CCNG2: variants seen among roughly 807,000 people sequenced by gnomAD.
CCNG2 encodes the protein cyclin-G2.
In CCNG2, 20 loss-of-function variants were observed where a neutral mutation model predicts 36.5. The observed-to-expected ratio is 0.55, with a 90% CI of 0.39 to 0.80. The LOEUF (loss-of-function observed/expected upper bound fraction) is 0.80. Ranked by LOEUF, CCNG2 falls within the 30% of genes least tolerant of loss-of-function variation. The pLI, the probability that CCNG2 is intolerant of heterozygous loss-of-function variation, is 0.00. For synonymous variants in CCNG2, 155 were observed against 140.1 expected, an observed-to-expected ratio of 1.11 and a Z score of -0.75; for missense variants, 358 against 390.8, an observed-to-expected ratio of 0.92 and a Z score of 0.71.
chr4:77,160,687 A>G, intron 3 of CCNG2, 34 bp from the exon 4 acceptor site: 1 of 1,598,978 alleles, frequency 6.3e-7, no homozygotes, highest in Non-Finnish European at 8.5e-7. Flanking sequence ...TCAAAGTGAC[A>G]GTTGTTAAAA....
At position 77,159,438 on chromosome 4, in the gene CCNG2, T is replaced by G. The variant is rs776472735; in HGVS notation, c.210T>G (p.Phe70Leu). 1 of 1,613,954 alleles carries G rather than the reference T, an allele frequency of 6.2e-7. No individual in the cohort carries two copies. Among genetic ancestry groups the G allele is most frequent in the Non-Finnish European group, 8.5e-7 (1 of 1,179,956 alleles). Residue 70 changes from phenylalanine (F) to leucine (L), a missense_variant, in exon 3 of 8, where the codon TTT (phenylalanine) becomes TTG (leucine). By Grantham distance (22) the Phe-to-Leu change is conservative. Coordinates refer to ENST00000316355, the MANE Select transcript of CCNG2 (RefSeq NM_004354.3). The stretch of plus-strand genomic sequence containing the variant: ...ATTTAAGGAGTTTAGCCAACTTTTT[T>G]GGATCTTGCACTGAAACTTTTGTCC... ...VEDLRSLANF[F>L]GSCTETFVLA... is the part of the protein sequence containing the mutation.
intron 1 of CCNG2, among the ~76,000 whole-genome samples, chr4:77,157,773 G>C (rs1324569574): frequency 3.9e-5 from 6 of 152,126 alleles, no homozygotes; most frequent in Non-Finnish European, 8.8e-5. Context: ...GTTGTCACGG[G>C]GACTTGCTGG....
In CCNG2 at chr4:77,157,219, A is replaced by T. The variant is rs1201002435; in HGVS notation, c.-288A>T. The T allele has an allele frequency of 6.6e-6, 1 of 152,208 alleles. No individual in the cohort carries two copies. The highest frequency in any genetic ancestry group is 6.5e-5 in the Admixed American group (1 of 15,292). 9.4% of individuals were successfully genotyped at this position (152,208 alleles called of 1,614,324 possible). A position where few individuals can be genotyped will look rare whatever the true frequency, so the allele number is the denominator to read the frequency against. On this transcript the variant is annotated 5_prime_UTR_variant, in exon 1 of 8. Coordinates refer to ENST00000316355, the MANE Select transcript of CCNG2 (RefSeq NM_004354.3). ...TGGGGGCGTCGAAACTCTTAACAAAAACAAGGGGCTCGGGGAGGTTTCCGC... is the reference window on the plus strand; with the variant it reads ...TGGGGGCGTCGAAACTCTTAACAAATACAAGGGGCTCGGGGAGGTTTCCGC...
At chr4:77,160,998 T>A (rs778079478) in intron 4 of CCNG2, 27 bp downstream of exon 4, 1 of 1,547,070 alleles carries the variant, frequency 6.5e-7, no homozygotes, top group Non-Finnish European at 8.8e-7. Context: ...ATACATTTTG[T>A]ACTTTGAACA....
At chr4:77,160,687 A>T in intron 3 of CCNG2, 34 bp from the exon 4 acceptor site, 1 of 1,598,978 alleles carries the variant, frequency 6.3e-7, no homozygotes, top group Non-Finnish European at 8.5e-7. Context: ...TCAAAGTGAC[A>T]GTTGTTAAAA....
At chr4:77,159,234 A>G (rs1731360172) in intron 2 of CCNG2, 133 bp from the exon 3 acceptor site, 1 of 713,166 alleles carries the variant, frequency 1.4e-6, no homozygotes, top group South Asian at 2.0e-5. Context: ...CTTTCCACCT[A>G]TATTCTTGAA....
At position 77,169,884 on chromosome 4, in the gene CCNG2, C is replaced by T. The variant is rs1731723294; in HGVS notation, c.*3960C>T. On this transcript the variant is annotated 3_prime_UTR_variant, in exon 8 of 8. Coordinates refer to ENST00000316355, the MANE Select transcript of CCNG2 (RefSeq NM_004354.3). ...GAGGTTTTGGGGGAGGGTTGTTAAA[C>T]AGTAATAGATAAGTGAGACAGATTG... 6.6e-6 allele frequency: 1 copy of T among 152,132 alleles called. No individual in the cohort carries two copies. Among genetic ancestry groups the T allele is most frequent in the Admixed American group, 6.5e-5 (1 of 15,274 alleles). 9.4% of individuals were successfully genotyped at this position (152,132 alleles called of 1,614,324 possible).
intron 6 of CCNG2, among the ~76,000 whole-genome samples, chr4:77,162,318 T>C (rs1242544241): frequency 6.6e-6 from 1 of 152,072 alleles, no homozygotes; most frequent in Non-Finnish European, 1.5e-5. Flanking sequence ...TGGTGTGTTC[T>C]GTCATTTGTT....
rs1318437817 is a variant in CCNG2, at chr4:77,158,557, T to C, written c.25T>C (p.Leu9=). Residue 9 remains leucine (L), a synonymous_variant, in exon 2 of 8, where the codon TTG becomes CTG. Transcript: ENST00000316355. MKDLGAEH[L]AGHEGVQLLG... is the part of the protein sequence containing the mutation. ...GATGAAGGATTTGGGGGCAGAGCAC[T>C]TGGCAGGTCATGAAGGGGTCCAACT... 1 of 1,614,158 alleles carries C rather than the reference T, an allele frequency of 6.2e-7. No homozygotes were observed. Among genetic ancestry groups the C allele is most frequent in the South Asian group, 1.1e-5 (1 of 91,082 alleles).
intron 3 of CCNG2, 27 bp from the exon 4 acceptor site, chr4:77,160,694 A>G: frequency 6.2e-7 from 1 of 1,602,524 alleles, no homozygotes; most frequent in Non-Finnish European, 8.5e-7. Flanking sequence ...GACAGTTGTT[A>G]AAAGAAGCCT....
At chr4:77,165,666 A>G (rs1731610251) in intron 7 of CCNG2, 135 bp from the exon 8 acceptor site, 1 of 660,028 alleles carries the variant, frequency 1.5e-6, no homozygotes, top group Non-Finnish European at 2.4e-6. Flanking sequence ...GTCCTTATAA[A>G]TTTTGTCTCT....
At chr4:77,158,855 C>G (rs1731347149) in intron 2 of CCNG2, among the ~76,000 whole-genome samples, 185 bp downstream of exon 2, 1 of 152,088 alleles carries the variant, frequency 6.6e-6, no homozygotes, top group African/African-American at 2.4e-5. Flanking sequence ...GAGAGTGATA[C>G]TTTAGAGAAG....
chr4:77,160,948 TATACTTTGTC>T lies in CCNG2; in HGVS notation c.511_520del (p.Cys171GlnfsTer7). The T allele has an allele frequency of 6.2e-7, 1 of 1,604,434 alleles. No individual in the cohort carries two copies. ...ACTTTTTGCACTTATACCATACTAT[TATACTTTGTC>T]ATACTTCAGAAAGGTCAGTGGGATT... On this transcript the variant is annotated frameshift_variant, in exon 4 of 8. Coordinates refer to ENST00000316355, the MANE Select transcript of CCNG2 (RefSeq NM_004354.3). LOFTEE classifies it high-confidence loss of function.
At position 77,158,580 on chromosome 4, in the gene CCNG2, A is replaced by C; in HGVS notation, c.48A>C (p.Gln16His). 2 of 1,614,086 alleles carry C rather than the reference A, an allele frequency of 1.2e-6. No individual in the cohort carries two copies. Among genetic ancestry groups the C allele is most frequent in the East Asian group, 2.2e-5 (1 of 44,866 alleles). The change falls in exon 2 of 8, where the codon CAA (glutamine) becomes CAC (histidine). Residue 16 changes from glutamine (Q) to histidine (H), a missense_variant. Coordinates refer to ENST00000316355, the MANE Select transcript of CCNG2 (RefSeq NM_004354.3). ...AEHLAGHEGVQLLGLLNVYLE... is the reference protein window; with the variant it reads ...AEHLAGHEGVHLLGLLNVYLE... ...ACTTGGCAGGTCATGAAGGGGTCCA[A>C]CTTCTCGGGTTGTTGAACGTCTACC...
chr4:77,158,767 A>G (rs1731344809), intron 2 of CCNG2, 97 bp downstream of exon 2: 2 of 1,303,654 alleles, frequency 1.5e-6, no homozygotes, highest in Admixed American at 2.3e-5. Context: ...AGCCTGCAAA[A>G]TTTCTTAAAA....
At position 77,160,634 on chromosome 4, in the gene CCNG2, T is replaced by C. The variant is rs1222098011; in HGVS notation, c.277-87T>C. 8.3e-6 allele frequency: 11 copies of C among 1,324,618 alleles called. No homozygotes were observed. In the Admixed American group the frequency reaches 1.5e-4, roughly 18 times the overall value. 82.1% of individuals were successfully genotyped at this position (1,324,618 alleles called of 1,614,324 possible). The stretch of plus-strand genomic sequence containing the variant: ...GAAACAACTTGATTGTGTTCTGTCT[T>C]AAGAATAGGAGCATCATTACAATAT... On this transcript the variant is annotated intron_variant, in intron 3 of 7. Transcript: ENST00000316355.
intron 2 of CCNG2, 90 bp from the exon 3 acceptor site, chr4:77,159,277 G>GA (rs1035120057): frequency 9.2e-5 from 115 of 1,254,614 alleles, no homozygotes; most frequent in Non-Finnish European, 1.2e-4. Flanking sequence ...TTATTCTTGG[G>GA]AAAAAATTAA....
intron 4 of CCNG2, 90 bp downstream of exon 4, chr4:77,161,061 C>T: frequency 3.5e-6 from 3 of 854,234 alleles, no homozygotes; most frequent in South Asian, 3.9e-5. Context: ...TATATTTTTA[C>T]CTTCTTCAAA....
rs573478728 is a variant in CCNG2, at chr4:77,165,416, TTTTC to T, written c.912-369_912-366del. Among the ~76,000 whole-genome samples, 728 of 145,350 alleles carry T rather than the reference TTTTC, an allele frequency of 5.0e-3. 6 individuals are homozygous for T. The highest frequency in any genetic ancestry group is 0.017 in the African/African-American group (690 of 40,594). On this transcript the variant is annotated intron_variant, in intron 7 of 7. Coordinates refer to ENST00000316355, the MANE Select transcript of CCNG2 (RefSeq NM_004354.3). Reference sequence around the variant, plus strand: ...TTGTTTAAACTTAAGAAAACCTATATTTTCTTTCTTTCTTTCTTTTTTTTTTTGC... The same window carrying T: ...TTGTTTAAACTTAAGAAAACCTATATTTTCTTTCTTTCTTTTTTTTTTTGC...
Sources: gnomAD v4.1 joint callset for allele counts (sites outside exome capture counted in the v4.1 genomes callset) on GRCh38, gnomAD v4.1.1 for gene constraint, MANE v1.5 for transcripts, NCBI Gene and HGNC (gene_info 2026-07-23, HGNC 2026-07-21) for gene names.